Variants in TCERG1L observed in about 807,000 individuals in gnomAD.
TCERG1L encodes the protein transcription elongation regulator 1-like protein.
Under a neutral mutation model 56.3 loss-of-function variants are expected in TCERG1L, and 37 were observed. The ratio of observed to expected loss-of-function variants is 0.66; its 90% CI spans 0.51 to 0.87. The LOEUF (loss-of-function observed/expected upper bound fraction) is 0.87, where lower values mean the gene tolerates loss of function less well. Ranked by LOEUF, TCERG1L falls within the 40% of genes least tolerant of loss-of-function variation. The probability of loss-of-function intolerance (pLI) is 0.00; values close to 1 mark genes in which losing one functional copy is unlikely to be tolerated. For missense variants in TCERG1L, 799 were observed against 774.2 expected, an observed-to-expected ratio of 1.03 and a Z score of -0.38; for synonymous variants, 324 against 326.3, an observed-to-expected ratio of 0.99 and a Z score of 0.08.
chr10:131,202,736 G>A (rs1218729631), intron 4 of TCERG1L, among the ~76,000 whole-genome samples: 1 of 152,118 alleles, frequency 6.6e-6, no homozygotes, highest in African/African-American at 2.4e-5. Flanking sequence ...GGAATACACT[G>A]GAAATATTCT....
rs112150830 is a variant in TCERG1L, at chr10:131,207,229, T to C, written c.857-40344A>G. Among the ~76,000 whole-genome samples, 410 of 151,672 alleles carry C rather than the reference T, an allele frequency of 2.7e-3. 2 individuals carry two copies. The highest frequency in any genetic ancestry group is 9.5e-3 in the African/African-American group (391 of 41,306). ...TCTCCAGCTCCAGGCACAGCGTGAT[T>C]CCATATCTCCAAAGGGAGGTTCTGT... On this transcript the variant is annotated intron_variant, in intron 4 of 11. Transcript: ENST00000368642.
intron 3 of TCERG1L, among the ~76,000 whole-genome samples, chr10:131,288,980 C>A (rs1846577200): frequency 6.6e-6 from 1 of 152,214 alleles, no homozygotes; most frequent in Non-Finnish European, 1.5e-5. Flanking sequence ...AATGTTGTTA[C>A]CGCAGCCCTA....
At position 131,281,740 on chromosome 10, in the gene TCERG1L, C is replaced by A. The variant is rs75632209; in HGVS notation, c.671-21296G>T. 6.6e-3 allele frequency among the ~76,000 whole-genome samples: 958 copies of A among 145,786 alleles called. 4 individuals carry two copies. The highest frequency in any genetic ancestry group is 8.5e-3 in the Non-Finnish European group (559 of 65,516). ...TCGTGTTCTTGTTCTTTAAAAGGAC[C>A]CCTACCCATCACAATTTGTATACCA... On this transcript the variant is annotated intron_variant, in intron 3 of 11. Coordinates refer to ENST00000368642, the MANE Select transcript of TCERG1L (RefSeq NM_174937.4).
chr10:131,201,480 T>TTTCA, intron 4 of TCERG1L, among the ~76,000 whole-genome samples: 1 of 152,188 alleles, frequency 6.6e-6, no homozygotes. Flanking sequence ...AGTACTTCAG[T>TTTCA]TTCATTCATT....
intron 4 of TCERG1L, among the ~76,000 whole-genome samples, chr10:131,224,241 T>C (rs1422364276): frequency 6.6e-6 from 1 of 152,100 alleles, no homozygotes; most frequent in Non-Finnish European, 1.5e-5. Context: ...TGCCCCTACA[T>C]GCTCCTGCCC....
chr10:131,195,897 C>T (rs952805682), intron 4 of TCERG1L, among the ~76,000 whole-genome samples: 15 of 152,248 alleles, frequency 9.9e-5, no homozygotes, highest in Middle Eastern at 3.2e-3. Context: ...ACAGCCCCTG[C>T]ACCCTGTCCC....
At chr10:131,276,814 G>C (rs1190535059) in intron 3 of TCERG1L, among the ~76,000 whole-genome samples, 1 of 152,202 alleles carries the variant, frequency 6.6e-6, no homozygotes, top group Admixed American at 6.5e-5. Context: ...GTCTTCAGTG[G>C]ATCGCGGATA....
At chr10:131,158,271 C>T (rs564853315) in intron 6 of TCERG1L, among the ~76,000 whole-genome samples, 60 of 152,326 alleles carry the variant, frequency 3.9e-4, no homozygotes, top group South Asian at 1.4e-3. Context: ...CTTTCTAAGA[C>T]GCTTTCCCAA....
intron 4 of TCERG1L, among the ~76,000 whole-genome samples, chr10:131,178,640 A>G (rs2133449963): frequency 1.3e-5 from 2 of 152,236 alleles, no homozygotes; most frequent in South Asian, 4.1e-4. Flanking sequence ...AGGTCTCCCC[A>G]GCACCTGGGA....
intron 4 of TCERG1L, among the ~76,000 whole-genome samples, chr10:131,221,724 C>A (rs186025606): frequency 6.6e-6 from 1 of 152,182 alleles, no homozygotes; most frequent in Non-Finnish European, 1.5e-5. Context: ...GACTTAGCCA[C>A]GTGACAGACA....
At chr10:131,196,069 C>T (rs1432968238) in intron 4 of TCERG1L, among the ~76,000 whole-genome samples, 1 of 152,218 alleles carries the variant, frequency 6.6e-6, no homozygotes, top group African/African-American at 2.4e-5. Flanking sequence ...GCCAGCAGCC[C>T]CACTGAATGT....
chr10:131,211,716 G>C (rs569812252), intron 4 of TCERG1L, among the ~76,000 whole-genome samples: 1 of 152,166 alleles, frequency 6.6e-6, no homozygotes, highest in Admixed American at 6.5e-5. Context: ...GGAAAGAAGC[G>C]GCTGGGCGGT....
At chr10:131,189,135 ATTG>A (rs1163389586) in intron 4 of TCERG1L, among the ~76,000 whole-genome samples, 1 of 152,204 alleles carries the variant, frequency 6.6e-6, no homozygotes, top group African/African-American at 2.4e-5. Flanking sequence ...GAAGTTACAG[ATTG>A]TTGTAAAAGA....
chr10:131,162,781 G>A (rs1001765477), intron 6 of TCERG1L: 2 of 197,076 alleles, frequency 1.0e-5, no homozygotes, highest in Non-Finnish European at 1.0e-5. Flanking sequence ...ATTCAGTTAC[G>A]ATTCTTCTTG....
chr10:131,287,013 T>C (rs76185823), intron 3 of TCERG1L, among the ~76,000 whole-genome samples: 11,260 of 152,310 alleles, frequency 0.074, 526 homozygotes, highest in African/African-American at 0.11. Flanking sequence ...CATAATTACA[T>C]GCTGGAATAA....
chr10:131,222,573 A>G (rs1223747654), intron 4 of TCERG1L, among the ~76,000 whole-genome samples: 1 of 152,230 alleles, frequency 6.6e-6, no homozygotes, highest in Non-Finnish European at 1.5e-5. Context: ...AGATTTTCAC[A>G]TGGTTTCTTC....
chr10:131,153,936 C>G (rs1455468251), intron 6 of TCERG1L, among the ~76,000 whole-genome samples: 6 of 152,172 alleles, frequency 3.9e-5, no homozygotes, highest in Non-Finnish European at 8.8e-5. Context: ...TGGAGTTGAA[C>G]CAGAGTGAGT....
chr10:131,295,500 A>G lies in TCERG1L; in HGVS notation c.670+12711T>C, dbSNP rs144388977. Reference sequence around the variant, plus strand: ...TTTTGTTTTCATGAACGCCATTCTAATAAGTATGTAGGGACTCCGATCATG... The same window carrying G: ...TTTTGTTTTCATGAACGCCATTCTAGTAAGTATGTAGGGACTCCGATCATG... On this transcript the variant is annotated intron_variant, in intron 3 of 11. Transcript: ENST00000368642. 5.8e-3 allele frequency among the ~76,000 whole-genome samples: 880 copies of G among 152,328 alleles called. 28 individuals carry two copies. The highest frequency in any genetic ancestry group is 0.054 in the Admixed American group (830 of 15,304).
At chr10:131,277,824 G>A (rs1029863209) in intron 3 of TCERG1L, among the ~76,000 whole-genome samples, 1 of 152,164 alleles carries the variant, frequency 6.6e-6, no homozygotes, top group African/African-American at 2.4e-5. Context: ...GACTGCCCAG[G>A]CCCCAGGCAG....
Sources: allele counts gnomAD v4.1 joint callset (sites outside exome capture counted in the v4.1 genomes callset), GRCh38; gene constraint gnomAD v4.1.1; transcripts MANE v1.5; gene names NCBI Gene and HGNC (gene_info 2026-07-23, HGNC 2026-07-21).